The following CUX1 variants were observed in gnomAD, a reference collection of about 807,000 sequenced individuals.
The protein encoded by CUX1 is protein CASP.
A neutral mutation model predicts 158.8 loss-of-function variants in CUX1; 31 were observed. The observed-to-expected ratio is 0.20, with a 90% CI of 0.15 to 0.26. The LOEUF is 0.26. Ranked by LOEUF, CUX1 falls within the 10% of genes least tolerant of loss-of-function variation. The probability of loss-of-function intolerance (pLI) is 1.00; values close to 1 mark genes in which losing one functional copy is unlikely to be tolerated. For missense variants in CUX1, 1,589 were observed against 2,014.6 expected, an observed-to-expected ratio of 0.79 and a Z score of 4.04; for synonymous variants, 879 against 862.1, an observed-to-expected ratio of 1.02 and a Z score of -0.34.
chr7:102,092,081 A>G (rs148629739), intron 4 of CUX1, among the ~76,000 whole-genome samples: 74 of 152,338 alleles, frequency 4.9e-4, no homozygotes, highest in African/African-American at 1.8e-3. Context: ...CAGGAAAAGA[A>G]TTGCATCCAA....
intron 2 of CUX1, among the ~76,000 whole-genome samples, chr7:101,935,227 C>T (rs1806776108): frequency 6.6e-6 from 1 of 152,166 alleles, no homozygotes; most frequent in South Asian, 2.1e-4. Flanking sequence ...TACTGAGCAC[C>T]TTGTGACCCC....
At chr7:101,946,405 G>A (rs935111354) in intron 2 of CUX1, among the ~76,000 whole-genome samples, 1 of 152,098 alleles carries the variant, frequency 6.6e-6, no homozygotes, top group African/African-American at 2.4e-5. Context: ...TTAGCCCAGC[G>A]TGGTGGTGTG....
intron 20 of CUX1, among the ~76,000 whole-genome samples, chr7:102,218,764 T>C (rs187161592): frequency 2.4e-3 from 364 of 151,896 alleles, no homozygotes; most frequent in Non-Finnish European, 4.4e-3. Context: ...TAAAAACATA[T>C]ATTGTTGGCC....
At chr7:101,831,084 C>T (rs377584479) in intron 1 of CUX1, among the ~76,000 whole-genome samples, 66 of 152,162 alleles carry the variant, frequency 4.3e-4, no homozygotes, top group African/African-American at 1.4e-3. Context: ...ATTGGGGTAT[C>T]GCGAGGTGTC....
At chr7:102,035,572 C>G (rs1821334628) in intron 3 of CUX1, among the ~76,000 whole-genome samples, 1 of 119,060 alleles carries the variant, frequency 8.4e-6, no homozygotes, top group Non-Finnish European at 1.7e-5. Context: ...AATCAATATA[C>G]AAAAGTAATT....
chr7:102,135,107 G>A (rs1833755475), intron 8 of CUX1, among the ~76,000 whole-genome samples: 1 of 151,926 alleles, frequency 6.6e-6, no homozygotes, highest in Non-Finnish European at 1.5e-5. Context: ...AACAACACAG[G>A]GGTTAGAGGC....
At chr7:101,975,017 G>GT (rs1812469449) in intron 2 of CUX1, among the ~76,000 whole-genome samples, 1 of 152,174 alleles carries the variant, frequency 6.6e-6, no homozygotes, top group South Asian at 2.1e-4. Context: ...GGAGGCCGAG[G>GT]TGGGTGGATC....
At chr7:101,847,393 C>T (rs774895389) in intron 1 of CUX1, among the ~76,000 whole-genome samples, 45 of 152,074 alleles carry the variant, frequency 3.0e-4, no homozygotes, top group Non-Finnish European at 5.3e-4. Flanking sequence ...AGCAGCCATG[C>T]GTCCCACTGT....
At chr7:102,059,631 CAAAAAAA>C (rs747660590) in intron 3 of CUX1, among the ~76,000 whole-genome samples, 24 of 88,246 alleles carry the variant, frequency 2.7e-4, no homozygotes, top group East Asian at 1.6e-3. Flanking sequence ...GACTTCATCT[CAAAAAAA>C]AAAAAAAAAA....
At chr7:102,164,720 C>T (rs970329211) in intron 9 of CUX1, among the ~76,000 whole-genome samples, 3 of 152,186 alleles carry the variant, frequency 2.0e-5, no homozygotes, top group Admixed American at 6.5e-5. Flanking sequence ...ATGGAGTTAC[C>T]TCTGGGAGTC....
intron 1 of CUX1, among the ~76,000 whole-genome samples, chr7:101,903,259 G>A (rs1040061302): frequency 1.3e-5 from 2 of 152,158 alleles, no homozygotes; most frequent in African/African-American, 2.4e-5. Flanking sequence ...GGGTGGTGGC[G>A]GGGGAGGTCC....
downstream of CUX1, among the ~76,000 whole-genome samples, chr7:102,259,572 A>T (rs1179192178): frequency 7.9e-5 from 12 of 152,136 alleles, no homozygotes; most frequent in Non-Finnish European, 1.6e-4. Context: ...TGGGCGATAG[A>T]GCGAAACTCA....
At chr7:101,822,448 G>T (rs968839032) in intron 1 of CUX1, 1 of 152,290 alleles carries the variant, frequency 6.6e-6, no homozygotes, top group African/African-American at 2.4e-5. Flanking sequence ...TTCCCTGCAG[G>T]AAATGAACCA....
intron 2 of CUX1, among the ~76,000 whole-genome samples, chr7:101,976,196 C>T (rs935866596): frequency 2.6e-5 from 4 of 152,156 alleles, no homozygotes; most frequent in African/African-American, 9.7e-5. Context: ...AGAAATTTTT[C>T]CCAAATCTAC....
intron 3 of CUX1, among the ~76,000 whole-genome samples, chr7:102,046,569 A>ATTTTGTTTTTTTTTTTTTTTT (rs1822832135): frequency 1.8e-5 from 1 of 55,466 alleles, no homozygotes; most frequent in Non-Finnish European, 3.2e-5. Context: ...TTTGGTTTGG[A>ATTTTGTTTTTTTTTTTTTTTT]TTTTTTTTTT....
intron 4 of CUX1, among the ~76,000 whole-genome samples, chr7:102,084,257 T>C (rs1226323609): frequency 7.4e-6 from 1 of 134,276 alleles, no homozygotes; most frequent in East Asian, 1.9e-4. Context: ...TATTATATAA[T>C]TTTTACATTT....
chr7:102,273,290 G>C (rs1317309667), intron 14 of CUX1: 3 of 1,557,528 alleles, frequency 1.9e-6, no homozygotes, highest in Non-Finnish European at 1.7e-6. Flanking sequence ...CCGTGGGTTG[G>C]AGAGGCAGAA....
chr7:101,893,176 TTTTTTTTTTA>T lies in CUX1; in HGVS notation c.31-22938_31-22929del, dbSNP rs1322962220. On this transcript the variant is annotated intron_variant, in intron 1 of 23. Transcript: ENST00000292535. Reference sequence around the variant, plus strand: ...TTTATTACTTTTTTTTTTTTTTTTTTTTTTTTTTTAAAATAGAGATGAGGGCTTGCTGTGT... The same window carrying T: ...TTTATTACTTTTTTTTTTTTTTTTTTAAATAGAGATGAGGGCTTGCTGTGT... Among the ~76,000 whole-genome samples, 27 of 109,146 alleles carry T rather than the reference TTTTTTTTTTA, an allele frequency of 2.5e-4. 1 individual carries two copies. Among genetic ancestry groups the T allele is most frequent in the African/African-American group, 7.6e-4 (19 of 25,126 alleles). 71.6% of individuals were successfully genotyped at this position (109,146 alleles called of 152,430 possible).
intron 4 of CUX1, among the ~76,000 whole-genome samples, chr7:102,075,460 C>A (rs1401473747): frequency 6.6e-6 from 1 of 152,216 alleles, no homozygotes; most frequent in African/African-American, 2.4e-5. Context: ...CATCATAATT[C>A]CTTGGTAACT....
Sources: allele counts gnomAD v4.1 joint callset (sites outside exome capture counted in the v4.1 genomes callset), GRCh38; gene constraint gnomAD v4.1.1; transcripts MANE v1.5; gene names NCBI Gene and HGNC (gene_info 2026-07-23, HGNC 2026-07-21).